MED27: variants seen among roughly 807,000 people sequenced by gnomAD.
MED27 encodes the protein mediator of RNA polymerase II transcription subunit 27.
In MED27, 30 loss-of-function variants were observed where a neutral mutation model predicts 38.2. The observed-to-expected ratio is 0.79, with a 90% confidence interval of 0.59 to 1.07. The LOEUF (loss-of-function observed/expected upper bound fraction) is 1.07. Among genes scored for constraint, MED27 ranks in the 50% least tolerant of loss-of-function variants. MED27 has a pLI of 0.00. For synonymous variants in MED27, 122 were observed against 153.5 expected (o/e 0.79, Z 1.52); for missense variants, 289 against 397.5 (o/e 0.73, Z 2.32).
chr9:131,860,407 G>C lies in MED27; in HGVS notation c.*131C>G. Reference sequence around the variant, plus strand: ...CTTCAAGAGTGGCCTCTGCACACATGGCGCTGCTTTATGAAAGGGAGGAGC... The same window carrying C: ...CTTCAAGAGTGGCCTCTGCACACATCGCGCTGCTTTATGAAAGGGAGGAGC... On this transcript the variant is annotated 3_prime_UTR_variant, in exon 8 of 8. Coordinates refer to ENST00000292035, the MANE Select transcript of MED27 (RefSeq NM_004269.4). The surrounding 1 kb of genome is among the most constrained non-coding windows in gnomAD (Gnocchi z 5.8). 1 of 1,094,424 alleles carries C rather than the reference G, an allele frequency of 9.1e-7. No individual in the cohort carries two copies. Among genetic ancestry groups the C allele is most frequent in the Admixed American group, 3.3e-5 (1 of 30,352 alleles). 67.8% of individuals were successfully genotyped at this position (1,094,424 alleles called of 1,614,324 possible).
At position 132,039,120 on chromosome 9, in the gene MED27, A is replaced by G. The variant is rs1203342126; in HGVS notation, c.349-24653T>C. Reference sequence around the variant, plus strand: ...ATTCCATAAACCAAAATGACTCCCAATGGAATAAAGAGTTAACGATTTCTA... The same window carrying G: ...ATTCCATAAACCAAAATGACTCCCAGTGGAATAAAGAGTTAACGATTTCTA... On this transcript the variant is annotated intron_variant, in intron 2 of 7. Coordinates refer to ENST00000292035, the MANE Select transcript of MED27 (RefSeq NM_004269.4). Among the ~76,000 whole-genome samples the G allele has an allele frequency of 7.9e-5, 12 of 152,230 alleles. No individual in the cohort carries two copies. The South Asian group carries it at 2.1e-3, about 26-fold the overall frequency.
In MED27 at chr9:131,862,001, A is replaced by T. The variant is rs1838660066; in HGVS notation, c.801+1062T>A. ...GTGTTAGGCTCAAAAGCAAGTCTTTATATCTATCTGAAATTGGAGCTCTTG... is the reference window on the plus strand; with the variant it reads ...GTGTTAGGCTCAAAAGCAAGTCTTTTTATCTATCTGAAATTGGAGCTCTTG... On this transcript the variant is annotated intron_variant, in intron 7 of 7. Transcript: ENST00000292035. This position sits in a 1 kb window ranked among gnomAD's most constrained non-coding sequence, Gnocchi z 4.6. 1.3e-5 allele frequency among the ~76,000 whole-genome samples: 2 copies of T among 152,288 alleles called. No homozygotes were observed. The highest frequency in any genetic ancestry group is 4.1e-4 in the South Asian group (2 of 4,828).
rs566642477 is a variant in MED27, at chr9:131,872,266, G to A, written c.724-9126C>T. Among the ~76,000 whole-genome samples, 3 of 152,128 alleles carry A rather than the reference G, an allele frequency of 2.0e-5. No homozygotes were observed. Among genetic ancestry groups the A allele is most frequent in the Non-Finnish European group, 4.4e-5 (3 of 68,018 alleles). On this transcript the variant is annotated intron_variant, in intron 6 of 7. Transcript: ENST00000292035. The surrounding 1 kb of genome is among the most constrained non-coding windows in gnomAD (Gnocchi z 5.6). ...GGACTGTGGCCGAGCAGCGCCTGGG[G>A]GAGCTGAGCTTGAACAGAGACGCTC... is the stretch of plus-strand genomic sequence containing the variant.
At chr9:131,987,218 T>A (rs1831872411) in intron 3 of MED27, among the ~76,000 whole-genome samples, 1 of 152,118 alleles carries the variant, frequency 6.6e-6, no homozygotes, top group African/African-American at 2.4e-5. Context: ...GACTGACTAA[T>A]GCTGGTGCAT....
chr9:131,921,063 G>A (rs746106699), intron 4 of MED27, among the ~76,000 whole-genome samples: 2 of 152,094 alleles, frequency 1.3e-5, no homozygotes, highest in East Asian at 1.9e-4. Context: ...CAGATTCTGG[G>A]CCAAACACAT....
chr9:131,926,840 T>TTCA (rs1296899619), intron 4 of MED27, among the ~76,000 whole-genome samples: 1 of 152,228 alleles, frequency 6.6e-6, no homozygotes, highest in Non-Finnish European at 1.5e-5. Context: ...ATAAATGAGT[T>TTCA]TCATCCTTTG....
intron 3 of MED27, among the ~76,000 whole-genome samples, chr9:131,945,216 G>C (rs1184279424): frequency 1.3e-5 from 2 of 150,134 alleles, no homozygotes; most frequent in Non-Finnish European, 3.0e-5. Flanking sequence ...AATGGCATAG[G>C]GGGTACAAAG....
intron 3 of MED27, among the ~76,000 whole-genome samples, chr9:132,013,396 G>A (rs919167973): frequency 1.7e-4 from 26 of 152,172 alleles, no homozygotes; most frequent in African/African-American, 5.5e-4. Flanking sequence ...AAGTCAGAAT[G>A]GTGTTAAACT....
In MED27 at chr9:131,924,000, T is replaced by C. The variant is rs192455951; in HGVS notation, c.573+15381A>G. Among the ~76,000 whole-genome samples, 180 of 152,356 alleles carry C rather than the reference T, an allele frequency of 1.2e-3. 1 individual carries two copies. Among genetic ancestry groups the C allele is most frequent in the African/African-American group, 4.1e-3 (170 of 41,592 alleles). On this transcript the variant is annotated intron_variant, in intron 4 of 7. Coordinates refer to ENST00000292035, the MANE Select transcript of MED27 (RefSeq NM_004269.4). ...GTGATGTGGCTCCATTGTGCGAGTG[T>C]ATCATAATGTATTCAATCACACGCC...
At chr9:131,871,158 C>T (rs1228302406) in intron 6 of MED27, among the ~76,000 whole-genome samples, 3 of 152,168 alleles carry the variant, frequency 2.0e-5, no homozygotes, top group Admixed American at 6.5e-5. Context: ...TCCTGCTGTA[C>T]GCCCCGGATT....
intron 4 of MED27, among the ~76,000 whole-genome samples, chr9:131,914,930 C>T (rs1485934043): frequency 6.6e-6 from 1 of 152,172 alleles, no homozygotes; most frequent in African/African-American, 2.4e-5. Context: ...GAGGCAAGGA[C>T]AACTCCAAGA....
intron 4 of MED27, among the ~76,000 whole-genome samples, chr9:131,916,525 T>C (rs1453325319): frequency 6.6e-6 from 1 of 152,184 alleles, no homozygotes; most frequent in Admixed American, 6.5e-5. Context: ...CTAAGACAAG[T>C]TGCAAGGGAT....
rs181677506 is a variant in MED27, at chr9:131,927,718, T to G, written c.573+11663A>C. On this transcript the variant is annotated intron_variant, in intron 4 of 7. Coordinates refer to ENST00000292035, the MANE Select transcript of MED27 (RefSeq NM_004269.4). ...TTCCAGGCCAACAACAAAAAGCTGG[T>G]TTGGCTTTAGATAAGCCAAGCTGAA... Among the ~76,000 whole-genome samples, 1,057 of 152,318 alleles carry G rather than the reference T, an allele frequency of 6.9e-3. 56 individuals carry two copies. Among genetic ancestry groups the G allele is most frequent in the Admixed American group, 0.061 (932 of 15,294 alleles).
At chr9:132,056,105 A>G (rs1459254013) in intron 2 of MED27, among the ~76,000 whole-genome samples, 2 of 152,238 alleles carry the variant, frequency 1.3e-5, no homozygotes, top group Non-Finnish European at 2.9e-5. Context: ...ATCCTCGAAT[A>G]TAACAGGCAT....
At chr9:131,999,317 C>G (rs972907497) in intron 3 of MED27, among the ~76,000 whole-genome samples, 1 of 152,138 alleles carries the variant, frequency 6.6e-6, no homozygotes, top group Non-Finnish European at 1.5e-5. Context: ...TTCCCAAAGC[C>G]GGTCCTGTCC....
intron 2 of MED27, among the ~76,000 whole-genome samples, chr9:132,024,227 G>C (rs1345510106): frequency 1.3e-5 from 2 of 152,186 alleles, no homozygotes; most frequent in Non-Finnish European, 2.9e-5. Context: ...AGTTGTCTTT[G>C]CGTTTATTGG....
intron 2 of MED27, among the ~76,000 whole-genome samples, chr9:132,018,796 G>C (rs1319290918): frequency 6.6e-6 from 1 of 152,096 alleles, no homozygotes; most frequent in Non-Finnish European, 1.5e-5. Flanking sequence ...GATCAATCAA[G>C]ATTTGATTCT....
At chr9:131,938,566 A>G (rs1239348282) in intron 4 of MED27, among the ~76,000 whole-genome samples, 4 of 152,182 alleles carry the variant, frequency 2.6e-5, no homozygotes, top group African/African-American at 9.7e-5. Flanking sequence ...GAATTCATGC[A>G]AATACAAACA....
At chr9:131,895,852 C>T (rs910077042) in intron 4 of MED27, among the ~76,000 whole-genome samples, 1 of 151,242 alleles carries the variant, frequency 6.6e-6, no homozygotes, top group Non-Finnish European at 1.5e-5. Context: ...CTTTAGTCAA[C>T]ATGGAGCCTA....
Sources: gnomAD v4.1 joint callset for allele counts (sites outside exome capture counted in the v4.1 genomes callset) on GRCh38, gnomAD v4.1.1 for gene constraint, Gnocchi (gnomAD v3.1) non-coding constraint, MANE v1.5 for transcripts, NCBI Gene and HGNC (gene_info 2026-07-23, HGNC 2026-07-21) for gene names.